Variants in LRMDA observed in about 807,000 individuals in gnomAD.
LRMDA encodes the protein leucine rich melanocyte differentiation associated, also known as leucine-rich melanocyte differentiation-associated protein.
In LRMDA, 18 loss-of-function variants were observed where a neutral mutation model predicts 29.8. The ratio of observed to expected loss-of-function variants is 0.60; its 90% confidence interval spans 0.42 to 0.90. LRMDA has a LOEUF of 0.90. Among genes scored for constraint, LRMDA ranks in the 40% least tolerant of loss-of-function variants. LRMDA has a pLI of 0.00. For synonymous variants in LRMDA, 125 were observed against 109.4 expected (o/e 1.14, Z -0.89); for missense variants, 273 against 273.9 (o/e 1.00, Z 0.02).
At chr10:76,148,666 A>T (rs72815547) in intron 5 of LRMDA, among the ~76,000 whole-genome samples, 21,035 of 152,078 alleles carry the variant, frequency 0.14, 1,621 homozygotes, top group East Asian at 0.24. Flanking sequence ...TTCCCCTGCT[A>T]CTGCTCGTGC....
At chr10:76,096,745 C>G (rs1849317549) in intron 5 of LRMDA, among the ~76,000 whole-genome samples, 1 of 152,082 alleles carries the variant, frequency 6.6e-6, no homozygotes, top group Admixed American at 6.6e-5. Context: ...GTATCTCTCT[C>G]TATTAATTTA....
At chr10:76,027,030 C>T (rs1848074116) in intron 2 of LRMDA, among the ~76,000 whole-genome samples, 1 of 152,208 alleles carries the variant, frequency 6.6e-6, no homozygotes, top group Admixed American at 6.5e-5. Context: ...TTCTGGAACC[C>T]TGTAGGCTGA....
intron 2 of LRMDA, among the ~76,000 whole-genome samples, chr10:75,998,838 A>C (rs1847515574): frequency 6.6e-6 from 1 of 152,190 alleles, no homozygotes; most frequent in Non-Finnish European, 1.5e-5. Flanking sequence ...CTCTTGAGTT[A>C]ATAATGTATT....
intron 2 of LRMDA, among the ~76,000 whole-genome samples, chr10:75,832,057 C>G (rs1844355480): frequency 6.6e-6 from 1 of 152,230 alleles, no homozygotes; most frequent in Admixed American, 6.5e-5. Context: ...TCCCCATTAT[C>G]TTGGCTATTA....
chr10:75,857,889 A>C lies in LRMDA; in HGVS notation c.132-178119A>C, dbSNP rs149198153. Among the ~76,000 whole-genome samples the C allele has an allele frequency of 5.5e-4, 84 of 152,368 alleles. 1 individual carries two copies. In the Middle Eastern group the frequency reaches 0.01, roughly 19 times the overall value. On this transcript the variant is annotated intron_variant, in intron 2 of 6. Transcript: ENST00000611255. ...TTTCGCTAATGCTGCAGGAGGGCAC[A>C]CACAGTTCTGTTTTACTGGCCCTAC...
At chr10:76,026,674 G>T (rs1848068813) in intron 2 of LRMDA, among the ~76,000 whole-genome samples, 1 of 152,180 alleles carries the variant, frequency 6.6e-6, no homozygotes, top group Admixed American at 6.5e-5. Flanking sequence ...AGTTTAGTGT[G>T]CTGGAACTCT....
At position 75,563,658 on chromosome 10, in the gene LRMDA, G is replaced by A. The variant is rs553895288; in HGVS notation, c.131+125164G>A. On this transcript the variant is annotated intron_variant, in intron 2 of 6. Transcript: ENST00000611255. ...GTTCTGTTTTTTCCCCATCTTTGTG[G>A]TTTTATCTACTTTTGGTCTTTGATG... Among the ~76,000 whole-genome samples, 345 of 152,160 alleles carry A rather than the reference G, an allele frequency of 2.3e-3. 4 individuals are homozygous for A. Among genetic ancestry groups the A allele is most frequent in the African/African-American group, 8.0e-3 (330 of 41,452 alleles).
intron 6 of LRMDA, among the ~76,000 whole-genome samples, chr10:76,510,713 C>A (rs545908870): frequency 6.6e-6 from 1 of 152,132 alleles, no homozygotes; most frequent in Non-Finnish European, 1.5e-5. Context: ...ATAGATGCCT[C>A]GTGATCGCTG....
chr10:75,976,467 T>C (rs1162824743), intron 2 of LRMDA, among the ~76,000 whole-genome samples: 1 of 152,314 alleles, frequency 6.6e-6, no homozygotes, highest in East Asian at 1.9e-4. Context: ...GTTTATTCAT[T>C]TGCCTAAATG....
intron 2 of LRMDA, among the ~76,000 whole-genome samples, chr10:75,732,534 G>C (rs1489616379): frequency 6.6e-6 from 1 of 152,090 alleles, no homozygotes; most frequent in East Asian, 1.9e-4. Flanking sequence ...CCACTTCTTT[G>C]GGGAGCTGGA....
At chr10:76,153,082 G>T (rs1850475592) in intron 5 of LRMDA, among the ~76,000 whole-genome samples, 1 of 152,038 alleles carries the variant, frequency 6.6e-6, no homozygotes, top group African/African-American at 2.4e-5. Flanking sequence ...CTCGTGATCT[G>T]CCCACCTCGG....
intron 2 of LRMDA, among the ~76,000 whole-genome samples, chr10:75,873,942 A>G (rs944038828): frequency 6.6e-6 from 1 of 152,208 alleles, no homozygotes; most frequent in Middle Eastern, 3.4e-3. Context: ...ATGATGTGCT[A>G]CTTCTTAGGA....
intron 5 of LRMDA, among the ~76,000 whole-genome samples, chr10:76,287,127 T>C (rs992590525): frequency 1.7e-4 from 26 of 152,192 alleles, no homozygotes; most frequent in African/African-American, 6.0e-4. Context: ...CTCTTATCCC[T>C]AAGGGATTTC....
At chr10:76,267,221 G>A (rs1296272116) in intron 5 of LRMDA, among the ~76,000 whole-genome samples, 1 of 151,750 alleles carries the variant, frequency 6.6e-6, no homozygotes, top group African/African-American at 2.4e-5. Flanking sequence ...TTTTTAAACA[G>A]CTATTTTGAG....
chr10:76,428,836 AG>A (rs1842158320), intron 6 of LRMDA, among the ~76,000 whole-genome samples: 4 of 152,212 alleles, frequency 2.6e-5, no homozygotes, highest in African/African-American at 9.7e-5. Flanking sequence ...TGCCAGGCAA[AG>A]CAAGAGAAAG....
chr10:76,404,831 G>A (rs924187390), intron 6 of LRMDA, among the ~76,000 whole-genome samples: 5 of 151,994 alleles, frequency 3.3e-5, no homozygotes, highest in East Asian at 1.9e-4. Context: ...GGGTGGGCCC[G>A]GTATGAAAAC....
chr10:76,204,597 G>T (rs1851500768), intron 5 of LRMDA, among the ~76,000 whole-genome samples: 2 of 152,148 alleles, frequency 1.3e-5, no homozygotes, highest in African/African-American at 4.8e-5. Context: ...TCCTCAGATG[G>T]TATAGGGGAA....
chr10:75,997,005 T>C (rs2132465148), intron 2 of LRMDA, among the ~76,000 whole-genome samples: 1 of 152,328 alleles, frequency 6.6e-6, no homozygotes, highest in South Asian at 2.1e-4. Context: ...GTGCTGGGAT[T>C]ACAGGCATGA....
chr10:76,481,896 T>C (rs533565532), intron 6 of LRMDA, among the ~76,000 whole-genome samples: 1 of 152,052 alleles, frequency 6.6e-6, no homozygotes, highest in East Asian at 1.9e-4. Context: ...ATATACCTCA[T>C]TGACTCGCAA....
Sources: allele counts gnomAD v4.1 joint callset (sites outside exome capture counted in the v4.1 genomes callset), GRCh38; gene constraint gnomAD v4.1.1; transcripts MANE v1.5; gene names NCBI Gene and HGNC (gene_info 2026-07-23, HGNC 2026-07-21).